The following SRP54 variants were observed in gnomAD, a reference collection of about 807,000 sequenced individuals.
SRP54 encodes signal recognition particle 54, also known as signal recognition particle subunit SRP54.
In SRP54, 10 loss-of-function variants were observed where a neutral mutation model predicts 64.8. The ratio of observed to expected loss-of-function variants is 0.15; its 90% CI spans 0.10 to 0.26. The LOEUF (loss-of-function observed/expected upper bound fraction) is 0.26. Among genes scored for constraint, SRP54 ranks in the 10% least tolerant of loss-of-function variants. SRP54 has a pLI of 1.00. For missense variants in SRP54, 325 were observed against 613.7 expected, an observed-to-expected ratio of 0.53 and a Z score of 4.97; for synonymous variants, 193 against 185.6, an observed-to-expected ratio of 1.04 and a Z score of -0.32.
intron 14 of SRP54, among the ~76,000 whole-genome samples, chr14:35,025,527 T>G (rs2044607545): frequency 6.6e-6 from 1 of 152,228 alleles, no homozygotes; most frequent in Non-Finnish European, 1.5e-5. Context: ...TAGAACAGAT[T>G]CACCATCCAG....
intron 7 of SRP54, among the ~76,000 whole-genome samples, chr14:35,010,221 G>A (rs1566650790): frequency 6.6e-6 from 1 of 152,068 alleles, no homozygotes; most frequent in African/African-American, 2.4e-5. Flanking sequence ...GCTTAGGCGG[G>A]TGGATCACCT....
Position 35,014,855 on chromosome 14 carries a change from T to G in SRP54, c.973+25T>G, listed in dbSNP as rs570207807. Reference sequence around the variant, plus strand: ...GGTATATGAGTGACAAAAAAGCACTTCATCTCAGATTTCTTCCATTGATTT... The same window carrying G: ...GGTATATGAGTGACAAAAAAGCACTGCATCTCAGATTTCTTCCATTGATTT... On this transcript the variant is annotated intron_variant, in intron 11 of 15. Coordinates refer to ENST00000216774, the MANE Select transcript of SRP54 (RefSeq NM_003136.4). 1.8e-5 allele frequency: 28 copies of G among 1,531,536 alleles called. No individual in the cohort carries two copies. In the South Asian group the frequency reaches 2.9e-4, roughly 16 times the overall value. The allele number at this position is 1,531,536 out of a possible 1,614,324, so 94.9% of individuals were successfully genotyped here.
At chr14:35,003,562 GGTT>G (rs1308024168) in intron 4 of SRP54, among the ~76,000 whole-genome samples, 3 of 113,810 alleles carry the variant, frequency 2.6e-5, no homozygotes, top group African/African-American at 8.9e-5. Flanking sequence ...TTGTTTTTTT[GGTT>G]TTTTTGGTTT....
intron 1 of SRP54, chr14:34,993,223 T>C (rs1179706886): frequency 6.6e-6 from 1 of 152,188 alleles, no homozygotes; most frequent in African/African-American, 2.4e-5. Context: ...AAGTTAATTG[T>C]GGTGTCATAA....
intron 4 of SRP54, among the ~76,000 whole-genome samples, chr14:35,007,042 A>T (rs866079576): frequency 1.3e-5 from 2 of 152,068 alleles, no homozygotes; most frequent in Non-Finnish European, 2.9e-5. Flanking sequence ...AAATTTTTTT[A>T]GTTAACTAGG....
chr14:34,991,109 C>CTTTTTTTT (rs71435838), intron 1 of SRP54, among the ~76,000 whole-genome samples: 15 of 111,046 alleles, frequency 1.4e-4, no homozygotes, highest in Non-Finnish European at 2.4e-4. Flanking sequence ...AATTTCTTTT[C>CTTTTTTTT]TTTTTTTTTT....
At chr14:34,999,705 A>G (rs956551321) in intron 3 of SRP54, 56 bp downstream of exon 3, 51 of 1,261,348 alleles carry the variant, frequency 4.0e-5, no homozygotes, top group Non-Finnish European at 5.7e-5. Context: ...TTTACTGGAA[A>G]GAGGTGCTAA....
At chr14:35,007,014 C>A (rs895631257) in intron 4 of SRP54, among the ~76,000 whole-genome samples, 21 of 152,056 alleles carry the variant, frequency 1.4e-4, no homozygotes, top group African/African-American at 4.3e-4. Flanking sequence ...CATGGCAAGA[C>A]CCTGTCTCTA....
intron 2 of SRP54, among the ~76,000 whole-genome samples, chr14:34,997,361 T>G (rs1380552429): frequency 1.3e-5 from 2 of 152,194 alleles, no homozygotes; most frequent in Non-Finnish European, 2.9e-5. Flanking sequence ...CCCCACAGAT[T>G]GTATCTTAGT....
At chr14:35,002,875 A>G (rs1403472458) in intron 4 of SRP54, among the ~76,000 whole-genome samples, 1 of 150,352 alleles carries the variant, frequency 6.7e-6, no homozygotes, top group Admixed American at 6.7e-5. Flanking sequence ...CCCCCCAAGT[A>G]GCTGGGGCTA....
chr14:34,990,344 TG>T (rs555589904), intron 1 of SRP54, among the ~76,000 whole-genome samples: 134 of 152,354 alleles, frequency 8.8e-4, no homozygotes, highest in South Asian at 1.9e-3. Flanking sequence ...TTCCAGCAGG[TG>T]TATTCAACCC....
chr14:34,992,212 C>T (rs1594979384), intron 1 of SRP54, among the ~76,000 whole-genome samples: 1 of 152,240 alleles, frequency 6.6e-6, no homozygotes, highest in African/African-American at 2.4e-5. Flanking sequence ...GGATTACAGG[C>T]GTGAGCCACT....
At chr14:35,027,075 G>T (rs2139032050) in intron 14 of SRP54, among the ~76,000 whole-genome samples, 1 of 149,868 alleles carries the variant, frequency 6.7e-6, no homozygotes, top group East Asian at 2.0e-4. Context: ...TGTCGCCCAG[G>T]CTGGAGTACA....
intron 3 of SRP54, 28 bp downstream of exon 3, chr14:34,999,677 A>G: frequency 6.6e-7 from 1 of 1,519,820 alleles, no homozygotes; most frequent in South Asian, 1.1e-5. Context: ...GGTAAAACAC[A>G]GGCACAGTTT....
In SRP54 at chr14:35,007,828, A is replaced by G. The variant is rs559015987; in HGVS notation, c.360+441A>G. Among the ~76,000 whole-genome samples the G allele has an allele frequency of 5.5e-4, 83 of 150,332 alleles. 1 individual carries two copies. Among genetic ancestry groups the G allele is most frequent in the African/African-American group, 1.9e-3 (79 of 41,236 alleles). On this transcript the variant is annotated intron_variant, in intron 5 of 15. Transcript: ENST00000216774. ...AAGATATAAAGCCAGGCTTTATAAT[A>G]TTGTTGCTTTATAATTTTGTGTTAC...
rs2044600905 is a variant in SRP54, at chr14:35,025,110, TA to T, written c.1327+2035del. Among the ~76,000 whole-genome samples the T allele has an allele frequency of 2.0e-5, 3 of 152,328 alleles. No homozygotes were observed. The South Asian group carries it at 6.2e-4, about 32-fold the overall frequency. ...TTATTTTGCTGTGTATTATGTATCG[TA>T]AAAAGATAAGGTTTTCCAAAGACTT... On this transcript the variant is annotated intron_variant, in intron 14 of 15. Transcript: ENST00000216774.
At chr14:35,012,217 CAAAAA>C (rs60971433) in intron 8 of SRP54, among the ~76,000 whole-genome samples, 2 of 107,306 alleles carry the variant, frequency 1.9e-5, no homozygotes. Flanking sequence ...ACTCCATCTC[CAAAAA>C]AAAAAAAAAA....
intron 1 of SRP54, 98 bp from the exon 2 acceptor site, chr14:34,996,579 C>A: frequency 1.5e-6 from 1 of 685,820 alleles, no homozygotes; most frequent in Non-Finnish European, 2.6e-6. Flanking sequence ...CTTACAGTAT[C>A]TAAACACTAG....
chr14:35,010,097 G>A (rs1430017369), intron 7 of SRP54, among the ~76,000 whole-genome samples: 4 of 151,656 alleles, frequency 2.6e-5, no homozygotes, highest in Non-Finnish European at 5.9e-5. Context: ...GCATTGAGCC[G>A]AGATCGTGCC....
Sources: allele counts gnomAD v4.1 joint callset (sites outside exome capture counted in the v4.1 genomes callset), GRCh38; gene constraint gnomAD v4.1.1; transcripts MANE v1.5; gene names NCBI Gene and HGNC (gene_info 2026-07-23, HGNC 2026-07-21).